UBR4: variants seen among roughly 807,000 people sequenced by gnomAD.
The protein encoded by UBR4 is ubiquitin protein ligase E3 component n-recognin 4.
A neutral mutation model predicts 575.6 loss-of-function variants in UBR4; 124 were observed. The observed-to-expected ratio is 0.22, with a 90% CI of 0.19 to 0.25. UBR4 has a LOEUF of 0.25. Among genes scored for constraint, UBR4 ranks in the 10% least tolerant of loss-of-function variants. The pLI is 1.00. For missense variants in UBR4, 4,818 were observed against 6,478.8 expected, an observed-to-expected ratio of 0.74 and a Z score of 8.80; for synonymous variants, 2,455 against 2,473.7, an observed-to-expected ratio of 0.99 and a Z score of 0.22.
intron 1 of UBR4, among the ~76,000 whole-genome samples, chr1:19,207,180 C>T (rs1235810578): frequency 6.6e-6 from 1 of 152,212 alleles, no homozygotes; most frequent in East Asian, 1.9e-4. Flanking sequence ...CAACACAGAA[C>T]TAAAGTGGCA....
At chr1:19,109,180 C>T (rs16862542) in intron 81 of UBR4, among the ~76,000 whole-genome samples, 1 of 152,216 alleles carries the variant, frequency 6.6e-6, no homozygotes, top group African/African-American at 2.4e-5. Flanking sequence ...TCAGACAGAA[C>T]AGGAGTCAGA....
chr1:19,176,094 T>C (rs2090227681), intron 20 of UBR4, among the ~76,000 whole-genome samples: 1 of 151,498 alleles, frequency 6.6e-6, no homozygotes, highest in Non-Finnish European at 1.5e-5. Flanking sequence ...GCCTCAATTT[T>C]TTTTTTTTCC....
intron 17 of UBR4, among the ~76,000 whole-genome samples, chr1:19,181,860 A>C (rs1396531208): frequency 6.6e-6 from 1 of 152,194 alleles, no homozygotes; most frequent in Non-Finnish European, 1.5e-5. Flanking sequence ...TGTGGCATTA[A>C]GCACATACAC....
At chr1:19,188,240 T>C (rs568657219) in intron 11 of UBR4, among the ~76,000 whole-genome samples, 42 of 152,190 alleles carry the variant, frequency 2.8e-4, no homozygotes, top group African/African-American at 9.9e-4. Context: ...CTATAAAATA[T>C]CTGGAAACAA....
intron 104 of UBR4, 128 bp from the exon 105 acceptor site, chr1:19,077,030 C>G (rs1171354098): frequency 1.0e-6 from 1 of 991,658 alleles, no homozygotes; most frequent in South Asian, 1.7e-5. Context: ...AGCATACCAA[C>G]AGGCACCCTA....
At chr1:19,099,536 A>T in intron 90 of UBR4, 61 bp downstream of exon 90, 1 of 1,463,308 alleles carries the variant, frequency 6.8e-7, no homozygotes, top group Non-Finnish European at 9.5e-7. Context: ...TCCTGCTGGT[A>T]CAAGTCTGCA....
rs1462044897 is a variant in UBR4, at chr1:19,153,525, G to C, written c.6631-23C>G. On this transcript the variant is annotated intron_variant, in intron 45 of 105. Transcript: ENST00000375254. This position sits in a 1 kb window ranked among gnomAD's most constrained non-coding sequence, Gnocchi z 4.1. Reference sequence around the variant, plus strand: ...GATCTAGGAGGAGAGGACAAAGGAGGGTCTTCGTTCCCACACCCACAGATC... The same window carrying C: ...GATCTAGGAGGAGAGGACAAAGGAGCGTCTTCGTTCCCACACCCACAGATC... 1 of 1,612,288 alleles carries C rather than the reference G, an allele frequency of 6.2e-7. No individual in the cohort carries two copies. The highest frequency in any genetic ancestry group is 1.3e-5 in the African/African-American group (1 of 74,856).
intron 90 of UBR4, among the ~76,000 whole-genome samples, chr1:19,098,089 G>A (rs1412884056): frequency 6.6e-6 from 1 of 152,194 alleles, no homozygotes; most frequent in Non-Finnish European, 1.5e-5. Context: ...GGATTTGGTA[G>A]CACGCTAATT....
rs201764014 is a variant in UBR4 at position 19,172,968 on chromosome 1, A to G, written c.3417T>C (p.Phe1139=). ...SKVQVSLDEH[F]SKMAAETDPH... Reference sequence around the variant, plus strand: ...GATCAGTCTCAGCAGCCATCTTAGAAAAATGCTCATCCAAAGAGACCTGGA... The same window carrying G: ...GATCAGTCTCAGCAGCCATCTTAGAGAAATGCTCATCCAAAGAGACCTGGA... Residue 1139 remains phenylalanine, a synonymous_variant, in exon 25 of 106, where the codon TTT becomes TTC. Coordinates refer to ENST00000375254, the MANE Select transcript of UBR4 (RefSeq NM_020765.3). 5 of 1,614,198 alleles carry G rather than the reference A, an allele frequency of 3.1e-6. No individual in the cohort carries two copies. In the Admixed American group the frequency reaches 8.3e-5, roughly 27 times the overall value.
chr1:19,198,109 A>G (rs2092564780), intron 5 of UBR4, 60 bp from the exon 6 acceptor site: 1 of 1,529,374 alleles, frequency 6.5e-7, no homozygotes, highest in Admixed American at 1.7e-5. Flanking sequence ...CCAACTGTCA[A>G]AAGTGAGCAG....
At chr1:19,150,556 A>G (rs559692513) in intron 49 of UBR4, 21 bp downstream of exon 49, 18 of 1,611,800 alleles carry the variant, frequency 1.1e-5, no homozygotes, top group Non-Finnish European at 1.4e-5. Flanking sequence ...AACTGAAGCC[A>G]ACCCCTGCCA....
Position 19,110,521 on chromosome 1 carries a change from CTT to C in UBR4, c.11893-59_11893-58del. ...GAGGGTCAGCTCCGGTCCAGCGACTCTTAACTATTAATACAATTTCTGGTCCT... is the reference window on the plus strand; with the variant it reads ...GAGGGTCAGCTCCGGTCCAGCGACTCAACTATTAATACAATTTCTGGTCCT... On this transcript the variant is annotated intron_variant, in intron 79 of 105. Transcript: ENST00000375254. The surrounding 1 kb of genome is among the most constrained non-coding windows in gnomAD (Gnocchi z 4.5). The C allele has an allele frequency of 6.4e-7, 1 of 1,557,316 alleles. No homozygotes were observed. The highest frequency in any genetic ancestry group is 8.8e-7 in the Non-Finnish European group (1 of 1,133,730).
chr1:19,084,695 G>A lies in UBR4; in HGVS notation c.14817C>T (p.His4939=), dbSNP rs758197885. The stretch of plus-strand genomic sequence containing the variant: ...CTGTACATTCCTGGAGGTAAGTGTT[G>A]TGTCTAGAGGGAAGCAGAACAAACA... The part of the protein sequence containing the change: ...ESAFATCLAR[H]NTYLQECTGQ... Residue 4939 remains histidine, a synonymous_variant, in exon 102 of 106, where the codon CAC becomes CAT. Transcript: ENST00000375254. 34 of 1,594,354 alleles carry A rather than the reference G, an allele frequency of 2.1e-5. No individual in the cohort carries two copies. The East Asian group carries it at 6.8e-4, about 32-fold the overall frequency.
In UBR4 at chr1:19,088,715, A is replaced by G. The variant is rs1354329619; in HGVS notation, c.14430+44T>C. On this transcript the variant is annotated intron_variant, in intron 98 of 105. Coordinates refer to ENST00000375254, the MANE Select transcript of UBR4 (RefSeq NM_020765.3). The surrounding 1 kb of genome is among the most constrained non-coding windows in gnomAD (Gnocchi z 4.0). Reference sequence around the variant, plus strand: ...GCTGTCCCATGGCCACCTCCTCATCAACAGTGTGGGCAGAAATATGGGGAC... The same window carrying G: ...GCTGTCCCATGGCCACCTCCTCATCGACAGTGTGGGCAGAAATATGGGGAC... 4 of 1,603,176 alleles carry G rather than the reference A, an allele frequency of 2.5e-6. No homozygotes were observed. In the South Asian group the frequency reaches 4.4e-5, roughly 18 times the overall value.
intron 29 of UBR4, 84 bp downstream of exon 29, chr1:19,166,938 T>G: frequency 7.0e-7 from 1 of 1,428,010 alleles, no homozygotes; most frequent in Non-Finnish European, 9.8e-7. Flanking sequence ...AAGCTATTAA[T>G]GACCTAAAGG....
In UBR4 at chr1:19,106,972, G is replaced by T; in HGVS notation, c.12106-6C>A. ...AGGGCCTCAACGGGGACATCCTGGA[G>T]GAGGCAAGTGGAGCAAGGTGAGGGC... is the stretch of plus-strand genomic sequence containing the variant. On this transcript the variant is annotated splice_region_variant and splice_polypyrimidine_tract_variant and intron_variant, in intron 81 of 105. Coordinates refer to ENST00000375254, the MANE Select transcript of UBR4 (RefSeq NM_020765.3). 1 of 1,611,570 alleles carries T rather than the reference G, an allele frequency of 6.2e-7. No homozygotes were observed.
chr1:19,165,063 C>G (rs973572612), intron 31 of UBR4, 66 bp from the exon 32 acceptor site: 2 of 1,585,838 alleles, frequency 1.3e-6, no homozygotes, highest in Non-Finnish European at 8.6e-7. Flanking sequence ...AAGGGGCAAA[C>G]TGTTGAGCCA....
intron 39 of UBR4, among the ~76,000 whole-genome samples, chr1:19,159,142 T>C (rs1198967574): frequency 6.6e-6 from 1 of 152,056 alleles, no homozygotes; most frequent in Non-Finnish European, 1.5e-5. Context: ...CAAGACTCCA[T>C]CTCCAAAAAA....
rs373476744 is a variant in UBR4 at position 19,118,943 on chromosome 1, T to G, written c.10470A>C (p.Ser3490=). ...PQTEKKLKEY[S]QKAVEILRTQ... is the part of the protein sequence containing the mutation. The stretch of plus-strand genomic sequence containing the variant: ...TCCGCAGAATCTCCACAGCCTTCTG[T>G]GAATACTCCTTCAACTGAAACAGAA... Residue 3490 remains serine, a synonymous_variant, in exon 71 of 106, where the codon TCA becomes TCC. Coordinates refer to ENST00000375254, the MANE Select transcript of UBR4 (RefSeq NM_020765.3). 3 of 1,614,062 alleles carry G rather than the reference T, an allele frequency of 1.9e-6. No homozygotes were observed. The highest frequency in any genetic ancestry group is 2.5e-6 in the Non-Finnish European group (3 of 1,180,024).
Sources: allele counts gnomAD v4.1 joint callset (sites outside exome capture counted in the v4.1 genomes callset), GRCh38; gene constraint gnomAD v4.1.1; non-coding constraint Gnocchi (gnomAD v3.1); transcripts MANE v1.5; gene names NCBI Gene and HGNC (gene_info 2026-07-23, HGNC 2026-07-21).